TECPR2: variants seen among roughly 807,000 people sequenced by gnomAD.
TECPR2 encodes tectonin beta-propeller repeat-containing protein 2.
A neutral mutation model predicts 138.1 loss-of-function variants in TECPR2; 65 were observed. That is an observed-to-expected ratio of 0.47 (90% confidence interval 0.39 to 0.58). The LOEUF (loss-of-function observed/expected upper bound fraction) is 0.58, where lower values mean the gene tolerates loss of function less well. Ranked by LOEUF, TECPR2 falls within the 20% of genes least tolerant of loss-of-function variation. The pLI is 0.00. For synonymous variants in TECPR2, 746 were observed against 749.8 expected (o/e 0.99, Z 0.08); for missense variants, 1,553 against 1,824.5 (o/e 0.85, Z 2.71).
intron 13 of TECPR2, among the ~76,000 whole-genome samples, chr14:102,448,775 G>A (rs1203489851): frequency 3.3e-5 from 5 of 152,130 alleles, no homozygotes; most frequent in African/African-American, 4.8e-5. Context: ...GCTGAGGCAC[G>A]AGAATCTCTT....
At chr14:102,401,611 C>T (rs71415895) in intron 2 of TECPR2, among the ~76,000 whole-genome samples, 1 of 151,430 alleles carries the variant, frequency 6.6e-6, no homozygotes, top group African/African-American at 2.4e-5. Flanking sequence ...AACCCTGTCT[C>T]TACTGAAAAG....
rs1393260815 is a variant in TECPR2, at chr14:102,498,141, G to A, written c.4120G>A (p.Gly1374Ser). 7.4e-6 allele frequency: 12 copies of A among 1,613,386 alleles called. No individual in the cohort carries two copies. Among genetic ancestry groups the A allele is most frequent in the Non-Finnish European group, 6.8e-6 (8 of 1,180,026 alleles). ...SDELWAVGPPGYLLQRLTKTF... is the reference protein window; with the variant it reads ...SDELWAVGPPSYLLQRLTKTF... ...TGAGCTGTGGGCTGTGGGCCCGCCC[G>A]GCTACCTCCTCCAACGGCTGACAAA... is the stretch of plus-strand genomic sequence containing the variant. The change falls in exon 20 of 20, where the codon GGC (glycine) becomes AGC (serine). Residue 1374 changes from glycine to serine, a missense_variant. Gly to Ser is a moderately conservative substitution (Grantham distance 56, BLOSUM62 0). Transcript: ENST00000359520.
At chr14:102,483,790 T>C (rs1172721021) in intron 17 of TECPR2, among the ~76,000 whole-genome samples, 2 of 97,962 alleles carry the variant, frequency 2.0e-5, no homozygotes, top group Non-Finnish European at 4.0e-5. Flanking sequence ...CTTTTCCTTT[T>C]CTTTTTTTTT....
intron 1 of TECPR2, among the ~76,000 whole-genome samples, chr14:102,371,603 C>T (rs967316601): frequency 1.3e-5 from 2 of 152,194 alleles, no homozygotes; most frequent in Non-Finnish European, 2.9e-5. Context: ...CTCTAGATAT[C>T]CTTTGGAAAA....
rs1323425924 is a variant in TECPR2, at chr14:102,483,966, C to A, written c.3790-13013C>A. Among the ~76,000 whole-genome samples, 8 of 18,064 alleles carry A rather than the reference C, an allele frequency of 4.4e-4. 1 individual carries two copies. The highest frequency in any genetic ancestry group is 2.6e-3 in the South Asian group (1 of 378). 11.9% of individuals were successfully genotyped at this position (18,064 alleles called of 152,430 possible). On this transcript the variant is annotated intron_variant, in intron 17 of 19. Transcript: ENST00000359520. ...CACCTGCCACCATGCCTGGCTGATT[C>A]TTATATTTTCAGTAGAGACAAGGTT... is the stretch of plus-strand genomic sequence containing the variant.
chr14:102,375,432 A>G (rs1277666053), intron 1 of TECPR2, among the ~76,000 whole-genome samples: 1 of 152,176 alleles, frequency 6.6e-6, no homozygotes, highest in East Asian at 1.9e-4. Context: ...GGAGAAATCA[A>G]GTACGGCCTC....
chr14:102,427,368 CAG>C (rs1046509398), intron 6 of TECPR2, among the ~76,000 whole-genome samples: 14 of 152,206 alleles, frequency 9.2e-5, no homozygotes, highest in East Asian at 3.8e-4. Context: ...GAAATGGAGA[CAG>C]GGGACCGTCT....
At chr14:102,455,309 G>A (rs1017990039) in intron 16 of TECPR2, among the ~76,000 whole-genome samples, 9 of 152,204 alleles carry the variant, frequency 5.9e-5, no homozygotes, top group African/African-American at 2.2e-4. Context: ...GGCTGACCCC[G>A]AAATGAATCA....
chr14:102,461,811 A>G (rs1308765538), intron 16 of TECPR2, among the ~76,000 whole-genome samples: 1 of 152,052 alleles, frequency 6.6e-6, no homozygotes, highest in Non-Finnish European at 1.5e-5. Flanking sequence ...GCCTAACTCT[A>G]AGGGAATGTG....
At chr14:102,366,702 A>G (rs1887355991) in intron 1 of TECPR2, among the ~76,000 whole-genome samples, 1 of 152,226 alleles carries the variant, frequency 6.6e-6, no homozygotes, top group Non-Finnish European at 1.5e-5. Context: ...GAAGTTAACA[A>G]ATCTTTACTG....
chr14:102,393,581 C>T (rs561587276), intron 2 of TECPR2, among the ~76,000 whole-genome samples: 26 of 152,108 alleles, frequency 1.7e-4, no homozygotes, highest in Non-Finnish European at 2.8e-4. Flanking sequence ...ATTTTTGAGA[C>T]GGAGTCTCAC....
At chr14:102,383,022 T>G (rs1366186963) in intron 2 of TECPR2, among the ~76,000 whole-genome samples, 2 of 152,208 alleles carry the variant, frequency 1.3e-5, no homozygotes, top group Non-Finnish European at 2.9e-5. Context: ...CCTCCCAAAG[T>G]GCTGGGATGA....
At chr14:102,436,284 C>A (rs952589980) in intron 9 of TECPR2, among the ~76,000 whole-genome samples, 1 of 151,894 alleles carries the variant, frequency 6.6e-6, no homozygotes, top group Non-Finnish European at 1.5e-5. Flanking sequence ...TGAGACAAAA[C>A]GCCATAAGTC....
intron 1 of TECPR2, among the ~76,000 whole-genome samples, chr14:102,368,411 G>A (rs1278470502): frequency 1.3e-5 from 2 of 152,102 alleles, no homozygotes; most frequent in African/African-American, 2.4e-5. Context: ...TTGCTGTGTT[G>A]ATCAGGCTGG....
At position 102,443,734 on chromosome 14, in the gene TECPR2, T is replaced by C; in HGVS notation, c.2840T>C (p.Val947Ala). ...LSQITARNNV[V>A]WALTEQRALL... is the part of the protein sequence containing the mutation. The stretch of plus-strand genomic sequence containing the variant: ...CAGATCACAGCCCGGAACAATGTGG[T>C]GTGGGCGCTGACAGAGCAGAGGGCC... The change falls in exon 12 of 20, where the codon GTG (valine) becomes GCG (alanine). Residue 947 changes from valine (V) to alanine (A), a missense_variant. Physicochemically the swap from Val to Ala is moderately conservative, Grantham distance 64. Coordinates refer to ENST00000359520, the MANE Select transcript of TECPR2 (RefSeq NM_014844.5). The surrounding 1 kb of genome is among the most constrained non-coding windows in gnomAD (Gnocchi z 4.9). 1 of 1,612,872 alleles carries C rather than the reference T, an allele frequency of 6.2e-7. No homozygotes were observed. The highest frequency in any genetic ancestry group is 8.5e-7 in the Non-Finnish European group (1 of 1,179,180).
At chr14:102,440,759 C>A in intron 11 of TECPR2, 150 bp downstream of exon 11, 1 of 1,115,220 alleles carries the variant, frequency 9.0e-7, no homozygotes, top group Non-Finnish European at 1.2e-6. Context: ...AGAGTATTTG[C>A]CATTTGGCAT....
At chr14:102,438,863 C>CTTTT (rs1238082552) in intron 10 of TECPR2, among the ~76,000 whole-genome samples, 11 of 128,638 alleles carry the variant, frequency 8.6e-5, no homozygotes, top group Non-Finnish European at 1.3e-4. Context: ...TTCTTTCTTT[C>CTTTT]TTTTTTTTTT....
intron 1 of TECPR2, among the ~76,000 whole-genome samples, chr14:102,366,933 G>A (rs1887359980): frequency 6.6e-6 from 1 of 152,222 alleles, no homozygotes; most frequent in African/African-American, 2.4e-5. Flanking sequence ...AGGCCTTTCT[G>A]TGGTGGTGAT....
At chr14:102,400,784 A>G (rs1409970359) in intron 2 of TECPR2, among the ~76,000 whole-genome samples, 1 of 152,192 alleles carries the variant, frequency 6.6e-6, no homozygotes, top group Non-Finnish European at 1.5e-5. Context: ...CTATAACCCC[A>G]GCACTTTGGG....
Sources: allele counts gnomAD v4.1 joint callset (sites outside exome capture counted in the v4.1 genomes callset), GRCh38; gene constraint gnomAD v4.1.1; non-coding constraint Gnocchi (gnomAD v3.1); transcripts MANE v1.5; gene names NCBI Gene and HGNC (gene_info 2026-07-23, HGNC 2026-07-21).